Variants in VGLL4 observed in about 807,000 individuals in gnomAD.
VGLL4 encodes vestigial like family member 4.
In VGLL4, 7 loss-of-function variants were observed where a neutral mutation model predicts 21.0. The observed-to-expected ratio is 0.33, with a 90% CI of 0.19 to 0.63. The LOEUF is 0.63. VGLL4 is among the 20% of genes least tolerant of loss of function. The pLI is 0.78. For synonymous variants in VGLL4, 222 were observed against 173.2 expected (o/e 1.28, Z -2.21); for missense variants, 394 against 425.7 (o/e 0.93, Z 0.66).
intron 2 of VGLL4, among the ~76,000 whole-genome samples, chr3:11,672,213 A>G (rs1161275695): frequency 6.6e-6 from 1 of 152,240 alleles, no homozygotes; most frequent in East Asian, 1.9e-4. Flanking sequence ...TGCAAAGCAA[A>G]AATGCTAGTT....
intron 1 of VGLL4, among the ~76,000 whole-genome samples, chr3:11,704,552 C>T (rs925649993): frequency 1.4e-5 from 2 of 147,316 alleles, no homozygotes; most frequent in Non-Finnish European, 3.0e-5. Context: ...TCAATCTGCA[C>T]GGGAGGCAGG....
At chr3:11,619,861 G>A (rs1256375653) in intron 1 of VGLL4, among the ~76,000 whole-genome samples, 1 of 152,062 alleles carries the variant, frequency 6.6e-6, no homozygotes, top group Non-Finnish European at 1.5e-5. Flanking sequence ...TTCCTCTGTA[G>A]GAACCAACAT....
intron 2 of VGLL4, among the ~76,000 whole-genome samples, chr3:11,654,546 T>A (rs17034996): frequency 0.15 from 22,495 of 152,194 alleles, 1,841 homozygotes; most frequent in African/African-American, 0.22. Flanking sequence ...GAATTTTACC[T>A]TATTAGCTTT....
intron 2 of VGLL4, among the ~76,000 whole-genome samples, chr3:11,659,051 C>T (rs1354673497): frequency 1.3e-5 from 2 of 152,118 alleles, no homozygotes; most frequent in Non-Finnish European, 2.9e-5. Flanking sequence ...TATACAATTT[C>T]CATGCCTCTA....
At chr3:11,710,273 G>T (rs927876235) in intron 1 of VGLL4, among the ~76,000 whole-genome samples, 1 of 152,194 alleles carries the variant, frequency 6.6e-6, no homozygotes, top group Non-Finnish European at 1.5e-5. Flanking sequence ...CTTGGGAACA[G>T]CACTGTGGGG....
intron 2 of VGLL4, chr3:11,702,731 C>CAAAAAAAAAAAAAAAAA (rs370716518): frequency 7.7e-6 from 1 of 129,986 alleles, no homozygotes. Flanking sequence ...GATCCCATCT[C>CAAAAAAAAAAAAAAAAA]AAAAAAAAAA....
At chr3:11,566,349 T>C (rs1002042086) in intron 2 of VGLL4, among the ~76,000 whole-genome samples, 1 of 152,232 alleles carries the variant, frequency 6.6e-6, no homozygotes, top group Non-Finnish European at 1.5e-5. Flanking sequence ...GATGGTGACA[T>C]CTTGTAAAAC....
chr3:11,568,457 G>A lies in VGLL4; in HGVS notation c.273-3438C>T, dbSNP rs1234519936. ...CCCACCCTACGCAGGGCAGCAGGGAGAAGGGGACTTCCAGGCCCACTAACT... is the reference window on the plus strand; with the variant it reads ...CCCACCCTACGCAGGGCAGCAGGGAAAAGGGGACTTCCAGGCCCACTAACT... On this transcript the variant is annotated intron_variant, in intron 2 of 4. Transcript: ENST00000430365. The surrounding 1 kb of genome is among the most constrained non-coding windows in gnomAD (Gnocchi z 5.9). The A allele has an allele frequency of 8.8e-7, 1 of 1,137,220 alleles. No homozygotes were observed. The highest frequency in any genetic ancestry group is 1.3e-6 in the Non-Finnish European group (1 of 787,204). 70.4% of individuals were successfully genotyped at this position (1,137,220 alleles called of 1,614,324 possible). A position where few individuals can be genotyped will look rare whatever the true frequency, so the allele number is the denominator to read the frequency against.
intron 3 of VGLL4, 109 bp downstream of exon 3, chr3:11,564,688 A>ACCGC (rs2073364218): frequency 2.3e-6 from 3 of 1,328,016 alleles, no homozygotes; most frequent in Admixed American, 2.2e-5. Flanking sequence ...CTCCCTCACC[A>ACCGC]CCTCCCTCCC....
At chr3:11,578,109 C>G (rs761454187) in intron 2 of VGLL4, among the ~76,000 whole-genome samples, 1 of 152,214 alleles carries the variant, frequency 6.6e-6, no homozygotes, top group Non-Finnish European at 1.5e-5. Flanking sequence ...CTAATAAAAA[C>G]TAACCTAAAG....
chr3:11,572,689 G>A (rs150119896), intron 2 of VGLL4, among the ~76,000 whole-genome samples: 4 of 152,278 alleles, frequency 2.6e-5, no homozygotes, highest in Admixed American at 6.5e-5. Flanking sequence ...TGTATGTCTT[G>A]TTGTACAACC....
intron 1 of VGLL4, among the ~76,000 whole-genome samples, chr3:11,642,221 T>C (rs1217056984): frequency 2.0e-5 from 3 of 151,968 alleles, no homozygotes; most frequent in African/African-American, 4.8e-5. Flanking sequence ...CTAGTAGGAG[T>C]AAAGAAAAAC....
intron 3 of VGLL4, among the ~76,000 whole-genome samples, chr3:11,564,017 C>T (rs1052026485): frequency 1.3e-5 from 2 of 152,156 alleles, no homozygotes; most frequent in Admixed American, 6.5e-5. Context: ...CCCGGAGGCA[C>T]CCCCTCGGGG....
chr3:11,624,207 C>T, intron 1 of VGLL4, among the ~76,000 whole-genome samples: 1 of 152,186 alleles, frequency 6.6e-6, no homozygotes, highest in East Asian at 1.9e-4. Flanking sequence ...GTCCAGGGAC[C>T]CCCACGATAT....
intron 1 of VGLL4, among the ~76,000 whole-genome samples, chr3:11,623,749 C>CCTTTTTT (rs200636430): frequency 8.1e-6 from 1 of 123,668 alleles, no homozygotes. Flanking sequence ...TGAAAATTTT[C>CCTTTTTT]TTTTTTTTTT....
chr3:11,559,551 T>C, intron 3 of VGLL4, 96 bp from the exon 4 acceptor site: 1 of 1,413,520 alleles, frequency 7.1e-7, no homozygotes, highest in Non-Finnish European at 9.3e-7. Flanking sequence ...TCTGTCCTGG[T>C]GCCCTTCCTG....
intron 1 of VGLL4, chr3:11,627,199 T>TAC (rs757945243): frequency 0.047 from 5,739 of 122,378 alleles, 136 homozygotes; most frequent in Middle Eastern, 0.091. Flanking sequence ...GTGTTTGTTT[T>TAC]ATACACACAC....
At position 11,605,395 on chromosome 3, in the gene VGLL4, ACTT is replaced by A. The variant is rs535651937; in HGVS notation, c.83-3376_83-3374del. On this transcript the variant is annotated intron_variant, in intron 1 of 4. Transcript: ENST00000430365. ...CACCCCAGATATCCAGTGACTGCAG[ACTT>A]CTTCTGCATTCGAAACCCCAACTGC... Among the ~76,000 whole-genome samples, 228 of 149,692 alleles carry A rather than the reference ACTT, an allele frequency of 1.5e-3. 2 individuals carry two copies. Among genetic ancestry groups the A allele is most frequent in the African/African-American group, 5.4e-3 (218 of 40,508 alleles).
At chr3:11,707,385 G>A (rs1009552682) in intron 1 of VGLL4, among the ~76,000 whole-genome samples, 3 of 151,110 alleles carry the variant, frequency 2.0e-5, no homozygotes, top group African/African-American at 7.3e-5. Context: ...TGGTTTGACT[G>A]GAGAGGGTGA....
Sources: gnomAD v4.1 joint callset for allele counts (sites outside exome capture counted in the v4.1 genomes callset) on GRCh38, gnomAD v4.1.1 for gene constraint, Gnocchi (gnomAD v3.1) non-coding constraint, MANE v1.5 for transcripts, NCBI Gene and HGNC (gene_info 2026-07-23, HGNC 2026-07-21) for gene names.